Variants in ZNF503 observed in about 807,000 individuals in gnomAD.
The protein encoded by ZNF503 is zinc finger protein 503, also known as NocA-like zinc finger 2.
In ZNF503, 15 loss-of-function variants were observed where a neutral mutation model predicts 34.4. The observed-to-expected ratio is 0.44, with a 90% CI of 0.29 to 0.67. The LOEUF is 0.67. ZNF503 is among the 30% of genes least tolerant of loss of function. The probability of loss-of-function intolerance (pLI) is 0.13; values close to 1 mark genes in which losing one functional copy is unlikely to be tolerated. For synonymous variants in ZNF503, 580 were observed against 456.8 expected, an observed-to-expected ratio of 1.27 and a Z score of -3.44; for missense variants, 1,007 against 926.8, an observed-to-expected ratio of 1.09 and a Z score of -1.12.
At chr10:75,328,693 T>C in the ZNF503 span, among the ~76,000 whole-genome samples, 1 of 152,124 alleles carries the variant, frequency 6.6e-6, no homozygotes, top group Non-Finnish European at 1.5e-5. Context: ...TTTGGCAGTA[T>C]GGTCATTATC....
chr10:75,367,277 C>A, the ZNF503 span, among the ~76,000 whole-genome samples: 1 of 152,118 alleles, frequency 6.6e-6, no homozygotes, highest in East Asian at 1.9e-4. Flanking sequence ...TCTCTCTCAC[C>A]AGCTGTCTGT....
the ZNF503 span, among the ~76,000 whole-genome samples, chr10:75,341,874 TCC>T: frequency 2.0e-5 from 3 of 152,174 alleles, no homozygotes; most frequent in Non-Finnish European, 2.9e-5. Flanking sequence ...CCAGGCAAGT[TCC>T]CACACACTGG....
chr10:75,299,489 C>G, the ZNF503 span, among the ~76,000 whole-genome samples: 1 of 151,946 alleles, frequency 6.6e-6, no homozygotes, highest in Admixed American at 6.6e-5. Context: ...TTTAGGGGTT[C>G]TGTTGTTCAG....
chr10:75,348,277 G>A, the ZNF503 span, among the ~76,000 whole-genome samples: 16 of 151,602 alleles, frequency 1.1e-4, no homozygotes, highest in Non-Finnish European at 1.9e-4. Context: ...TGGCAGGCTG[G>A]TCTTGAACGC....
chr10:75,294,563 T>G, the ZNF503 span, among the ~76,000 whole-genome samples: 1 of 152,210 alleles, frequency 6.6e-6, no homozygotes, highest in Non-Finnish European at 1.5e-5. Flanking sequence ...GGGTGGCATC[T>G]CTTCACTGTT....
At chr10:75,304,751 G>C in the ZNF503 span, among the ~76,000 whole-genome samples, 7 of 152,228 alleles carry the variant, frequency 4.6e-5, no homozygotes, top group South Asian at 1.2e-3. Flanking sequence ...TTTGAATTTA[G>C]AGTGCCATGA....
the ZNF503 span, among the ~76,000 whole-genome samples, chr10:75,281,769 C>A: frequency 6.6e-6 from 1 of 152,164 alleles, no homozygotes; most frequent in African/African-American, 2.4e-5. Context: ...CATGGGGTCA[C>A]CCCTGTCCAC....
the ZNF503 span, among the ~76,000 whole-genome samples, chr10:75,329,415 T>TTCCTTCCTTCCTTCCTTCCTTCCTTCC: frequency 8.2e-4 from 74 of 90,386 alleles, no homozygotes; most frequent in African/African-American, 3.0e-3. Context: ...CCTTCCTTCC[T>TTCCTTCCTTCCTTCCTTCCTTCCTTCC]TTCCTTCCTT....
chr10:75,284,378 G>C, the ZNF503 span, among the ~76,000 whole-genome samples: 8 of 152,046 alleles, frequency 5.3e-5, no homozygotes, highest in Admixed American at 5.2e-4. Flanking sequence ...CAGGCGGGGA[G>C]GGGGCGTTGG....
chr10:75,375,344 A>G, the ZNF503 span, among the ~76,000 whole-genome samples: 1 of 151,810 alleles, frequency 6.6e-6, no homozygotes, highest in Non-Finnish European at 1.5e-5. Flanking sequence ...GATGGTCTTG[A>G]TCTCCTGACC....
the ZNF503 span, among the ~76,000 whole-genome samples, chr10:75,296,089 C>A: frequency 6.6e-6 from 1 of 152,162 alleles, no homozygotes; most frequent in Non-Finnish European, 1.5e-5. Context: ...ATTATAGCCC[C>A]GTGGTAATAA....
At chr10:75,357,981 C>T in the ZNF503 span, among the ~76,000 whole-genome samples, 1 of 152,204 alleles carries the variant, frequency 6.6e-6, no homozygotes, top group African/African-American at 2.4e-5. Context: ...GCACAGCCCT[C>T]CAGACCCAGT....
chr10:75,322,322 C>T, the ZNF503 span, among the ~76,000 whole-genome samples: 1 of 151,900 alleles, frequency 6.6e-6, no homozygotes, highest in African/African-American at 2.4e-5. Context: ...CAGGGTTTCA[C>T]CATGTTGGCC....
the ZNF503 span, among the ~76,000 whole-genome samples, chr10:75,342,278 G>A: frequency 8.8e-3 from 1,338 of 152,260 alleles, 25 homozygotes; most frequent in African/African-American, 0.03. Context: ...GGTCACACAC[G>A]AGGGTGGGTT....
rs1489789714 is a variant in ZNF503 at position 75,398,506 on chromosome 10, A to G, written c.*243T>C. The G allele has an allele frequency of 5.1e-6, 2 of 391,450 alleles. No homozygotes were observed. Among genetic ancestry groups the G allele is most frequent in the African/African-American group, 4.1e-5 (2 of 48,344 alleles). 24.2% of individuals were successfully genotyped at this position (391,450 alleles called of 1,614,324 possible). A position where few individuals can be genotyped will look rare whatever the true frequency, so the allele number is the denominator to read the frequency against. On this transcript the variant is annotated 3_prime_UTR_variant, in exon 2 of 2. Coordinates refer to ENST00000372524, the MANE Select transcript of ZNF503 (RefSeq NM_032772.6). Reference sequence around the variant, plus strand: ...TCCTTTTTTTTTCTATAAAAAGTCAAATGATATTTTTTCAACTTTTATAAA... The same window carrying G: ...TCCTTTTTTTTTCTATAAAAAGTCAGATGATATTTTTTCAACTTTTATAAA...
At chr10:75,312,740 T>A in the ZNF503 span, among the ~76,000 whole-genome samples, 10 of 151,998 alleles carry the variant, frequency 6.6e-5, no homozygotes, top group Admixed American at 5.9e-4. Context: ...AGTAGACAGA[T>A]TAAAAAAAAA....
the ZNF503 span, among the ~76,000 whole-genome samples, chr10:75,293,754 G>GA: frequency 5.6e-4 from 83 of 148,932 alleles, no homozygotes; most frequent in African/African-American, 1.7e-3. Context: ...GCCAAGAATG[G>GA]AAAAAAAAAA....
At chr10:75,281,286 C>T in the ZNF503 span, among the ~76,000 whole-genome samples, 1 of 152,084 alleles carries the variant, frequency 6.6e-6, no homozygotes, top group African/African-American at 2.4e-5. Context: ...TACCAGCCTT[C>T]CCATCTGCAT....
chr10:75,294,423 C>A, the ZNF503 span, among the ~76,000 whole-genome samples: 1 of 152,166 alleles, frequency 6.6e-6, no homozygotes. Flanking sequence ...AAGGGCCTGG[C>A]GTTGGGCTTT....
Sources: allele counts gnomAD v4.1 joint callset (sites outside exome capture counted in the v4.1 genomes callset), GRCh38; gene constraint gnomAD v4.1.1; transcripts MANE v1.5; gene names NCBI Gene and HGNC (gene_info 2026-07-23, HGNC 2026-07-21).